ZWILCH: variants seen among roughly 807,000 people sequenced by gnomAD.
ZWILCH encodes the protein protein zwilch homolog.
Under a neutral mutation model 79.9 loss-of-function variants are expected in ZWILCH, and 74 were observed. The ratio of observed to expected loss-of-function variants is 0.93; its 90% CI spans 0.77 to 1.12. ZWILCH has a LOEUF of 1.12. Among genes scored for constraint, ZWILCH ranks in the 50% most tolerant of loss-of-function variants. ZWILCH has a pLI of 0.00. For missense variants in ZWILCH, 694 were observed against 687.5 expected (o/e 1.01, Z -0.11); for synonymous variants, 241 against 228.2 (o/e 1.06, Z -0.51).
At chr15:66,529,610 C>A in intron 12 of ZWILCH, 37 bp downstream of exon 12, 1 of 1,494,358 alleles carries the variant, frequency 6.7e-7, no homozygotes, top group Non-Finnish European at 9.3e-7. Flanking sequence ...ATTTTCTCAG[C>A]AGCATAGCAT....
chr15:66,527,243 C>A, intron 8 of ZWILCH, 47 bp from the exon 9 acceptor site: 2 of 1,294,932 alleles, frequency 1.5e-6, no homozygotes, highest in Non-Finnish European at 2.2e-6. Flanking sequence ...ATTGATTAAA[C>A]AGTGTTTTCT....
rs753738429 is a variant in ZWILCH at position 66,521,099 on chromosome 15, T to G, written c.641T>G (p.Leu214Trp). ...TATGAGCTCTTTAAGTCCTCTGCCT[T>G]GGATGATACAATCACAGCATCACAA... ...AQYELFKSSA[L>W]DDTITASQTA... is the part of the protein sequence containing the mutation. The change falls in exon 7 of 19, where the codon TTG becomes TGG. Residue 214 changes from leucine to tryptophan, a missense_variant. Transcript: ENST00000307897. 8 of 1,614,034 alleles carry G rather than the reference T, an allele frequency of 5.0e-6. No individual in the cohort carries two copies. The highest frequency in any genetic ancestry group is 6.8e-6 in the Non-Finnish European group (8 of 1,180,034).
chr15:66,521,052 A>G lies in ZWILCH; in HGVS notation c.594A>G (p.Val198=). Residue 198 remains valine, a splice_region_variant and synonymous_variant, in exon 7 of 19, where the codon GTA becomes GTG. Coordinates refer to ENST00000307897, the MANE Select transcript of ZWILCH (RefSeq NM_017975.5). The part of the protein sequence containing the change: ...LHKKRHHLST[V]TSKGFAQYEL... ...TCTGCTGGGTACACTCTTTTCAGGTAACATCCAAAGGCTTTGCCCAGTATG... is the reference window on the plus strand; with the variant it reads ...TCTGCTGGGTACACTCTTTTCAGGTGACATCCAAAGGCTTTGCCCAGTATG... 3.1e-6 allele frequency: 5 copies of G among 1,614,080 alleles called. No individual in the cohort carries two copies. The highest frequency in any genetic ancestry group is 3.4e-6 in the Non-Finnish European group (4 of 1,179,986).
chr15:66,531,845 G>T (rs1403740191), intron 12 of ZWILCH, among the ~76,000 whole-genome samples: 1 of 151,978 alleles, frequency 6.6e-6, no homozygotes, highest in East Asian at 2.0e-4. Flanking sequence ...GACGCGGGCG[G>T]ATCACGAGAT....
Position 66,527,618 on chromosome 15 carries a change from C to A in ZWILCH, c.913+235C>A, listed in dbSNP as rs796191735. Among the ~76,000 whole-genome samples the A allele has an allele frequency of 1.2e-4, 18 of 152,152 alleles. 1 individual carries two copies. The highest frequency in any genetic ancestry group is 4.3e-4 in the African/African-American group (18 of 41,522). ...AAGGAAAAAAGAGATGAATCAGTAGCCTTTGAATACCTACCATGTGCCTGA... is the reference window on the plus strand; with the variant it reads ...AAGGAAAAAAGAGATGAATCAGTAGACTTTGAATACCTACCATGTGCCTGA... On this transcript the variant is annotated intron_variant, in intron 9 of 18. Coordinates refer to ENST00000307897, the MANE Select transcript of ZWILCH (RefSeq NM_017975.5).
At chr15:66,529,682 C>A in intron 12 of ZWILCH, 109 bp downstream of exon 12, 1 of 804,060 alleles carries the variant, frequency 1.2e-6, no homozygotes, top group Non-Finnish European at 2.0e-6. Flanking sequence ...CTGCTACTTT[C>A]TAGCTGTGTA....
At chr15:66,517,251 T>G (rs1330448778) in intron 4 of ZWILCH, among the ~76,000 whole-genome samples, 1 of 143,892 alleles carries the variant, frequency 6.9e-6, no homozygotes, top group Non-Finnish European at 1.6e-5. Flanking sequence ...TTCTTCCCCT[T>G]TTCCTTTTTC....
At position 66,523,751 on chromosome 15, in the gene ZWILCH, G is replaced by T; in HGVS notation, c.819+3G>T. On this transcript the variant is annotated splice_donor_region_variant and intron_variant, in intron 8 of 18. Coordinates refer to ENST00000307897, the MANE Select transcript of ZWILCH (RefSeq NM_017975.5). The stretch of plus-strand genomic sequence containing the variant: ...ACAGAGAACTGAAATTTCTTCTTGT[G>T]AGTATCCTTCTAGAATTCCTTTCCT... 1 of 1,599,812 alleles carries T rather than the reference G, an allele frequency of 6.3e-7. No individual in the cohort carries two copies. Among genetic ancestry groups the T allele is most frequent in the South Asian group, 1.1e-5 (1 of 90,170 alleles).
chr15:66,543,089 C>T (rs1260517575), intron 17 of ZWILCH, among the ~76,000 whole-genome samples: 1 of 152,174 alleles, frequency 6.6e-6, no homozygotes, highest in Non-Finnish European at 1.5e-5. Context: ...ATCCCAGCTA[C>T]TTGGGATGCT....
chr15:66,515,170 G>C (rs1434478640), intron 3 of ZWILCH, among the ~76,000 whole-genome samples: 1 of 150,782 alleles, frequency 6.6e-6, no homozygotes, highest in African/African-American at 2.4e-5. Context: ...GGTTTGTCTC[G>C]ACCTCTTGGG....
At position 66,527,356 on chromosome 15, in the gene ZWILCH, G is replaced by T. The variant is rs755429665; in HGVS notation, c.886G>T (p.Val296Phe). ...WLEPLEAKSA[V>F]ELVQEFLNDL... ...CGAGCCCCTGGAAGCAAAATCTGCT[G>T]TTGAACTTGTTCAGGAATTTCTGAA... The change falls in exon 9 of 19, where the codon GTT becomes TTT. Residue 296 changes from valine (V) to phenylalanine (F), a missense_variant. Val to Phe is a conservative substitution (Grantham distance 50). Transcript: ENST00000307897. 1.2e-6 allele frequency: 2 copies of T among 1,613,904 alleles called. No homozygotes were observed. The highest frequency in any genetic ancestry group is 1.7e-6 in the Non-Finnish European group (2 of 1,179,924).
intron 4 of ZWILCH, among the ~76,000 whole-genome samples, chr15:66,517,430 G>GTGTGTGTGTGTGTGTATATATATATA: frequency 1.2e-4 from 8 of 66,524 alleles, no homozygotes; most frequent in Admixed American, 1.7e-4. Context: ...GTGTGTGTGT[G>GTGTGTGTGTGTGTGTATATATATATA]TATATATATA....
intron 16 of ZWILCH, among the ~76,000 whole-genome samples, chr15:66,537,687 G>T (rs967311225): frequency 1.3e-5 from 2 of 152,120 alleles, no homozygotes; most frequent in South Asian, 4.2e-4. Context: ...GTGAAACTCC[G>T]TCTCAAAAAA....
intron 2 of ZWILCH, among the ~76,000 whole-genome samples, chr15:66,510,128 A>G (rs1893998859): frequency 6.7e-6 from 1 of 150,298 alleles, no homozygotes. Flanking sequence ...CAGTGAGCCA[A>G]AATTAAGCCA....
chr15:66,528,604 A>AT (rs34913640), intron 10 of ZWILCH, among the ~76,000 whole-genome samples: 5 of 150,924 alleles, frequency 3.3e-5, no homozygotes, highest in South Asian at 2.1e-4. Flanking sequence ...AGGTAATTTA[A>AT]TTTTTTTTTT....
intron 14 of ZWILCH, among the ~76,000 whole-genome samples, chr15:66,533,993 C>T (rs932269297): frequency 6.6e-5 from 10 of 152,082 alleles, no homozygotes; most frequent in Non-Finnish European, 2.9e-5. Context: ...GTGGTCCCAG[C>T]TACTTGGGAG....
chr15:66,532,468 C>A (rs375590796), intron 13 of ZWILCH, 65 bp downstream of exon 13: 5 of 1,429,404 alleles, frequency 3.5e-6, no homozygotes, highest in Admixed American at 2.3e-5. Flanking sequence ...CAGATATTCT[C>A]GGATTTTCTG....
At chr15:66,509,479 C>G (rs1030086027) in intron 2 of ZWILCH, among the ~76,000 whole-genome samples, 5 of 152,062 alleles carry the variant, frequency 3.3e-5, no homozygotes, top group Non-Finnish European at 7.3e-5. Context: ...TAAGATTCAT[C>G]TATGTTGTTG....
At chr15:66,525,718 T>A (rs912261110) in intron 8 of ZWILCH, among the ~76,000 whole-genome samples, 2 of 151,446 alleles carry the variant, frequency 1.3e-5, no homozygotes, top group African/African-American at 2.4e-5. Flanking sequence ...CCTATGCTCC[T>A]AATCATTTAT....
Sources: allele counts gnomAD v4.1 joint callset (sites outside exome capture counted in the v4.1 genomes callset), GRCh38; gene constraint gnomAD v4.1.1; transcripts MANE v1.5; gene names NCBI Gene and HGNC (gene_info 2026-07-23, HGNC 2026-07-21).